PRKAR2B: variants seen among roughly 807,000 people sequenced by gnomAD.
PRKAR2B encodes the protein cAMP-dependent protein kinase type II-beta regulatory subunit.
Under a neutral mutation model 49.9 loss-of-function variants are expected in PRKAR2B, and 14 were observed. The ratio of observed to expected loss-of-function variants is 0.28; its 90% CI spans 0.19 to 0.44. The LOEUF is 0.44. PRKAR2B is among the 20% of genes least tolerant of loss of function. PRKAR2B has a pLI of 1.00. For missense variants in PRKAR2B, 393 were observed against 537.9 expected, an observed-to-expected ratio of 0.73 and a Z score of 2.67; for synonymous variants, 196 against 197.7, an observed-to-expected ratio of 0.99 and a Z score of 0.07.
intron 6 of PRKAR2B, among the ~76,000 whole-genome samples, chr7:107,148,548 T>C (rs1384376557): frequency 6.6e-6 from 1 of 152,238 alleles, no homozygotes; most frequent in Non-Finnish European, 1.5e-5. Flanking sequence ...TCCTGACATA[T>C]AATAGCTTTC....
intron 3 of PRKAR2B, among the ~76,000 whole-genome samples, chr7:107,126,351 G>A (rs540380382): frequency 8.6e-4 from 128 of 149,234 alleles, no homozygotes; most frequent in African/African-American, 2.9e-3. Flanking sequence ...AACCCGGGAG[G>A]CGGAGATTGC....
intron 4 of PRKAR2B, among the ~76,000 whole-genome samples, chr7:107,137,086 T>C (rs1411731386): frequency 6.6e-6 from 1 of 152,180 alleles, no homozygotes; most frequent in Admixed American, 6.5e-5. Context: ...TATTTAACGT[T>C]CTGGAAAAGG....
At chr7:107,076,958 T>G (rs976877443) in intron 2 of PRKAR2B, among the ~76,000 whole-genome samples, 112 of 152,300 alleles carry the variant, frequency 7.4e-4, no homozygotes, top group Non-Finnish European at 1.9e-4. Flanking sequence ...TATGCTTCCT[T>G]GATTCACGGA....
intron 1 of PRKAR2B, among the ~76,000 whole-genome samples, chr7:107,064,830 C>A (rs1033988407): frequency 2.6e-5 from 4 of 152,094 alleles, no homozygotes; most frequent in African/African-American, 9.7e-5. Flanking sequence ...ATAAGTGGTC[C>A]TTTTCAATAC....
At chr7:107,097,333 G>A (rs555643770) in intron 2 of PRKAR2B, among the ~76,000 whole-genome samples, 3 of 151,988 alleles carry the variant, frequency 2.0e-5, no homozygotes, top group Admixed American at 6.6e-5. Context: ...TTGCAACCCC[G>A]GCTTTTTTTT....
At chr7:107,157,389 T>C in intron 10 of PRKAR2B, 65 bp downstream of exon 10, 7 of 1,517,646 alleles carry the variant, frequency 4.6e-6, no homozygotes, top group Non-Finnish European at 6.2e-6. Flanking sequence ...TATGTATTCA[T>C]GTTGAGTGAA....
rs116781250 is a variant in PRKAR2B, at chr7:107,086,613, A to G, written c.343+16297A>G. 3.8e-3 allele frequency among the ~76,000 whole-genome samples: 571 copies of G among 152,036 alleles called. 4 individuals carry two copies. The highest frequency in any genetic ancestry group is 0.013 in the African/African-American group (542 of 41,464). On this transcript the variant is annotated intron_variant, in intron 2 of 10. Transcript: ENST00000265717. ...CAAGCTGGGACTACAGGTGTGCGCC[A>G]CCATGCCTGGGTCATTTTTGCATTT...
At chr7:107,096,489 T>G (rs2116807096) in intron 2 of PRKAR2B, among the ~76,000 whole-genome samples, 2 of 151,064 alleles carry the variant, frequency 1.3e-5, no homozygotes, top group East Asian at 1.9e-4. Context: ...TTTTGAAGGG[T>G]TTTTTTGTGT....
chr7:107,056,289 G>A (rs920895765), intron 1 of PRKAR2B, among the ~76,000 whole-genome samples: 1 of 152,094 alleles, frequency 6.6e-6, no homozygotes, highest in Admixed American at 6.6e-5. Context: ...GGATTGACTT[G>A]GCAATTTGGG....
At chr7:107,153,400 A>G in intron 8 of PRKAR2B, 149 bp downstream of exon 8, 1 of 517,072 alleles carries the variant, frequency 1.9e-6, no homozygotes, top group Non-Finnish European at 3.2e-6. Flanking sequence ...CCTGTTAAAA[A>G]TGGTTTCATT....
At chr7:107,076,813 A>G (rs149613682) in intron 2 of PRKAR2B, among the ~76,000 whole-genome samples, 82 of 152,352 alleles carry the variant, frequency 5.4e-4, no homozygotes, top group African/African-American at 1.8e-3. Flanking sequence ...TTAAATTTCA[A>G]TCTCACACAC....
At chr7:107,136,240 AG>A (rs2115625524) in intron 4 of PRKAR2B, among the ~76,000 whole-genome samples, 1 of 152,330 alleles carries the variant, frequency 6.6e-6, no homozygotes, top group Non-Finnish European at 1.5e-5. Flanking sequence ...ATAACATGGG[AG>A]AAAATCTAGA....
At chr7:107,080,229 C>T (rs991320254) in intron 2 of PRKAR2B, among the ~76,000 whole-genome samples, 8 of 152,144 alleles carry the variant, frequency 5.3e-5, no homozygotes, top group Admixed American at 4.6e-4. Flanking sequence ...GGAGCCACAG[C>T]GTGCCCTCAC....
chr7:107,072,393 G>A, intron 2 of PRKAR2B, among the ~76,000 whole-genome samples: 1 of 152,054 alleles, frequency 6.6e-6, no homozygotes. Flanking sequence ...ACTAATTTAT[G>A]GAGTACCACT....
chr7:107,099,227 T>C (rs1181534717), intron 2 of PRKAR2B, among the ~76,000 whole-genome samples: 1 of 152,210 alleles, frequency 6.6e-6, no homozygotes, highest in Non-Finnish European at 1.5e-5. Flanking sequence ...TGGATGCCCC[T>C]TCCCTAGCCT....
chr7:107,128,427 C>T lies in PRKAR2B; in HGVS notation c.480+132C>T, dbSNP rs561246941. On this transcript the variant is annotated intron_variant, in intron 4 of 10. Transcript: ENST00000265717. ...TGGGGTGATGGTAAAGGCCCCCTTG[C>T]GGATGCTTGAATGCACAGTAGGTTG... 86 of 602,340 alleles carry T rather than the reference C, an allele frequency of 1.4e-4. No homozygotes were observed. The South Asian group carries it at 1.7e-3, about 12-fold the overall frequency. The allele number at this position is 602,340 out of a possible 1,614,324, so 37.3% of individuals were successfully genotyped here.
chr7:107,095,802 C>T (rs184767488), intron 2 of PRKAR2B, among the ~76,000 whole-genome samples: 1 of 152,288 alleles, frequency 6.6e-6, no homozygotes, highest in East Asian at 1.9e-4. Context: ...TGATGGATTA[C>T]GTTTATTGAT....
intron 1 of PRKAR2B, among the ~76,000 whole-genome samples, chr7:107,052,688 T>C (rs1027150011): frequency 2.6e-5 from 4 of 152,166 alleles, no homozygotes; most frequent in African/African-American, 7.2e-5. Flanking sequence ...TAAGCACATA[T>C]CAAAAAATAA....
chr7:107,084,038 T>G (rs1187520471), intron 2 of PRKAR2B, among the ~76,000 whole-genome samples: 1 of 152,216 alleles, frequency 6.6e-6, no homozygotes. Flanking sequence ...ATCAAACCAC[T>G]TCTACCTATT....
Sources: gnomAD v4.1 joint callset for allele counts (sites outside exome capture counted in the v4.1 genomes callset) on GRCh38, gnomAD v4.1.1 for gene constraint, MANE v1.5 for transcripts, NCBI Gene and HGNC (gene_info 2026-07-23, HGNC 2026-07-21) for gene names.